NOX3: variants seen among roughly 807,000 people sequenced by gnomAD.
NOX3 encodes the protein NADPH oxidase 3, also known as NADPH oxidase catalytic subunit-like 3.
Under a neutral mutation model 76.7 loss-of-function variants are expected in NOX3, and 74 were observed. That is an observed-to-expected ratio of 0.96 (90% CI 0.80 to 1.17). The LOEUF (loss-of-function observed/expected upper bound fraction) is 1.17. Ranked by LOEUF, NOX3 falls within the 50% of genes most tolerant of loss-of-function variation. The probability of loss-of-function intolerance (pLI) is 0.00; values close to 1 mark genes in which losing one functional copy is unlikely to be tolerated. For missense variants in NOX3, 695 were observed against 703.3 expected (o/e 0.99, Z 0.13); for synonymous variants, 263 against 261.1 (o/e 1.01, Z -0.07).
intron 3 of NOX3, among the ~76,000 whole-genome samples, chr6:155,453,885 T>G (rs1777177883): frequency 6.6e-6 from 1 of 152,094 alleles, no homozygotes; most frequent in Non-Finnish European, 1.5e-5. Context: ...CATAAAATCA[T>G]GATGATGATT....
At chr6:155,448,258 AGGGAT>A (rs1217286956) in intron 4 of NOX3, among the ~76,000 whole-genome samples, 5 of 152,160 alleles carry the variant, frequency 3.3e-5, no homozygotes, top group Admixed American at 3.3e-4. Context: ...ATCATCTAAA[AGGGAT>A]TTGTAGACCA....
At chr6:155,397,209 C>A (rs1412828849) in intron 12 of NOX3, among the ~76,000 whole-genome samples, 1 of 152,054 alleles carries the variant, frequency 6.6e-6, no homozygotes, top group East Asian at 1.9e-4. Context: ...TGGAAAGGGG[C>A]CATGAAACTG....
rs753120540 is a variant in NOX3 at position 155,411,279 on chromosome 6, T to A, written c.1390A>T (p.Ser464Cys). The change falls in exon 11 of 14, where the codon AGT becomes TGT. Residue 464 changes from serine (S) to cysteine (C), a missense_variant. Transcript: ENST00000159060. The part of the protein sequence containing the change: ...DLLLSLETRM[S>C]EQGKTHFLSY... ...AGAAAGTGAGTTTTCCCCTGCTCAC[T>A]CATCCGTGTTTCCAGGGAGAGTAAG... The A allele has an allele frequency of 3.7e-6, 6 of 1,613,944 alleles. No individual in the cohort carries two copies. In the South Asian group the frequency reaches 6.6e-5, roughly 18 times the overall value.
intron 4 of NOX3, among the ~76,000 whole-genome samples, chr6:155,445,679 C>T (rs1002907797): frequency 6.6e-6 from 1 of 151,830 alleles, no homozygotes; most frequent in African/African-American, 2.4e-5. Context: ...TATCCCTGCA[C>T]CCCTGATGAA....
chr6:155,408,885 A>G (rs1410138762), intron 11 of NOX3, among the ~76,000 whole-genome samples: 1 of 151,574 alleles, frequency 6.6e-6, no homozygotes, highest in East Asian at 1.9e-4. Context: ...CTCACTTACA[A>G]GCAGCAGCTC....
At chr6:155,407,944 G>A (rs1776486566) in intron 11 of NOX3, among the ~76,000 whole-genome samples, 1 of 152,054 alleles carries the variant, frequency 6.6e-6, no homozygotes, top group Admixed American at 6.6e-5. Context: ...ATAATCCCTT[G>A]TGATCATTTT....
intron 5 of NOX3, among the ~76,000 whole-genome samples, chr6:155,442,180 C>T (rs964224354): frequency 2.0e-5 from 3 of 152,218 alleles, no homozygotes; most frequent in East Asian, 1.9e-4. Flanking sequence ...AGGAGAATAG[C>T]GTGAATCCGG....
rs1281718905 is a variant in NOX3, at chr6:155,396,813, T to C, written c.*23A>G. ...TGTATGATTGCAGCCACTTACACAA[T>C]GCCTGGACTTGACCTCCAAAGTCTA... On this transcript the variant is annotated 3_prime_UTR_variant, in exon 13 of 14. Transcript: ENST00000159060. The C allele has an allele frequency of 8.1e-6, 13 of 1,599,056 alleles. No individual in the cohort carries two copies. Among genetic ancestry groups the C allele is most frequent in the Non-Finnish European group, 1.1e-5 (13 of 1,172,468 alleles).
chr6:155,416,768 T>TTTTTTTTTTA (rs869296039), intron 10 of NOX3, among the ~76,000 whole-genome samples: 1 of 144,246 alleles, frequency 6.9e-6, no homozygotes, highest in Admixed American at 6.8e-5. Context: ...TTTTTTTTTT[T>TTTTTTTTTTA]GAGACGGAGT....
At position 155,402,600 on chromosome 6, in the gene NOX3, G is replaced by A. The variant is rs555766911; in HGVS notation, c.1580+4530C>T. ...TTACTGTTATTTTTGCAATTTTCTG[G>A]TTCCTTTATAGCTTGTACTACTCTC... On this transcript the variant is annotated intron_variant, in intron 12 of 13. Coordinates refer to ENST00000159060, the MANE Select transcript of NOX3 (RefSeq NM_015718.3). Among the ~76,000 whole-genome samples the A allele has an allele frequency of 1.3e-4, 20 of 151,828 alleles. 1 individual carries two copies. Among genetic ancestry groups the A allele is most frequent in the Middle Eastern group, 6.8e-3 (2 of 294 alleles).
At chr6:155,435,948 G>A (rs564676512) in intron 7 of NOX3, among the ~76,000 whole-genome samples, 1 of 152,304 alleles carries the variant, frequency 6.6e-6, no homozygotes, top group African/African-American at 2.4e-5. Context: ...GACACACTAA[G>A]TTTTTGATCC....
At chr6:155,449,694 A>C (rs1449545857) in intron 4 of NOX3, among the ~76,000 whole-genome samples, 1 of 152,184 alleles carries the variant, frequency 6.6e-6, no homozygotes, top group East Asian at 1.9e-4. Flanking sequence ...TGATTTGACC[A>C]ATTAAAGCCT....
chr6:155,412,027 T>G (rs1413686646), intron 10 of NOX3, among the ~76,000 whole-genome samples: 1 of 152,186 alleles, frequency 6.6e-6, no homozygotes, highest in Non-Finnish European at 1.5e-5. Flanking sequence ...GTAGCTTGGG[T>G]TTGCTAAAAT....
At position 155,436,413 on chromosome 6, in the gene NOX3, C is replaced by T. The variant is rs1460756223; in HGVS notation, c.798+5G>A. 6.2e-7 allele frequency: 1 copy of T among 1,614,008 alleles called. No individual in the cohort carries two copies. The highest frequency in any genetic ancestry group is 2.2e-5 in the East Asian group (1 of 44,878). ...ATTTTTAAAAGCTCCTGGGTTCATT[C>T]TTACCGAGGGTTCCTTGCCAGAAAA... On this transcript the variant is annotated splice_donor_5th_base_variant and intron_variant, in intron 7 of 13. Transcript: ENST00000159060.
chr6:155,445,835 C>G (rs1237882354), intron 4 of NOX3, among the ~76,000 whole-genome samples: 1 of 147,460 alleles, frequency 6.8e-6, no homozygotes, highest in East Asian at 2.0e-4. Flanking sequence ...TAAATACAAC[C>G]TTGTTGGAGT....
At chr6:155,408,631 G>A (rs231965) in intron 11 of NOX3, among the ~76,000 whole-genome samples, 3,367 of 152,138 alleles carry the variant, frequency 0.022, 56 homozygotes, top group African/African-American at 0.05. Flanking sequence ...AGAAATCCAG[G>A]CCAATTATAT....
intron 8 of NOX3, among the ~76,000 whole-genome samples, chr6:155,429,974 C>T (rs1337800189): frequency 6.6e-6 from 1 of 152,164 alleles, no homozygotes; most frequent in Non-Finnish European, 1.5e-5. Flanking sequence ...TTGATACAGC[C>T]TGACATCCTT....
chr6:155,416,377 T>C (rs532620874), intron 10 of NOX3, among the ~76,000 whole-genome samples: 1 of 152,250 alleles, frequency 6.6e-6, no homozygotes, highest in Non-Finnish European at 1.5e-5. Flanking sequence ...TGATCACTCT[T>C]ATTGTCCTGG....
Position 155,419,656 on chromosome 6 carries a change from C to G in NOX3, c.1308+3038G>C, listed in dbSNP as rs561094072. 1.1e-4 allele frequency among the ~76,000 whole-genome samples: 16 copies of G among 152,120 alleles called. No individual in the cohort carries two copies. The South Asian group carries it at 3.3e-3, about 32-fold the overall frequency. ...TTTCTTGGAATAGAGATCAATGTCCCTATTTTATGGTTTTGTGGTGACTGC... is the reference window on the plus strand; with the variant it reads ...TTTCTTGGAATAGAGATCAATGTCCGTATTTTATGGTTTTGTGGTGACTGC... On this transcript the variant is annotated intron_variant, in intron 10 of 13. Coordinates refer to ENST00000159060, the MANE Select transcript of NOX3 (RefSeq NM_015718.3).
Sources: gnomAD v4.1 joint callset for allele counts (sites outside exome capture counted in the v4.1 genomes callset) on GRCh38, gnomAD v4.1.1 for gene constraint, MANE v1.5 for transcripts, NCBI Gene and HGNC (gene_info 2026-07-23, HGNC 2026-07-21) for gene names.